The following DLEU7 variants were observed in gnomAD, a reference collection of about 807,000 sequenced individuals.
DLEU7 encodes the protein deleted in lymphocytic leukemia 7.
Under a neutral mutation model 16.0 loss-of-function variants are expected in DLEU7, and 17 were observed. The ratio of observed to expected loss-of-function variants is 1.06; its 90% CI spans 0.73 to 1.59. DLEU7 has a LOEUF of 1.59. Among genes scored for constraint, DLEU7 ranks in the 40% most tolerant of loss-of-function variants. DLEU7 has a pLI of 0.00. For missense variants in DLEU7, 308 were observed against 314.9 expected (o/e 0.98, Z 0.17); for synonymous variants, 113 against 139.8 (o/e 0.81, Z 1.35).
At chr13:50,838,051 A>G (rs1185333424) in intron 1 of DLEU7, among the ~76,000 whole-genome samples, 2 of 152,180 alleles carry the variant, frequency 1.3e-5, no homozygotes, top group Non-Finnish European at 1.5e-5. Context: ...GGGCAAGTGA[A>G]AGATTTGCTT....
chr13:50,824,756 A>G (rs900578379), intron 1 of DLEU7, among the ~76,000 whole-genome samples: 6 of 152,224 alleles, frequency 3.9e-5, no homozygotes. Flanking sequence ...AGCCATGAAC[A>G]CATAGCAAAA....
chr13:50,731,419 T>G lies in DLEU7; in HGVS notation c.460-18179A>C, dbSNP rs559409259. 4.5e-4 allele frequency among the ~76,000 whole-genome samples: 68 copies of G among 152,288 alleles called. 2 individuals carry two copies. The South Asian group carries it at 0.014, about 31-fold the overall frequency. On this transcript the variant is annotated intron_variant, in intron 1 of 1. Coordinates refer to the DLEU7 transcript ENST00000400393. ...TAGCTGAGATTGAAGATGAGTGGAT[T>G]TATGAATTGAATAACAATAAATATC...
intron 1 of DLEU7, among the ~76,000 whole-genome samples, chr13:50,755,698 A>G (rs1025034295): frequency 2.6e-5 from 4 of 151,768 alleles, no homozygotes; most frequent in African/African-American, 9.7e-5. Context: ...CAGGTAAATC[A>G]GGGATTTCTT....
At chr13:50,722,678 A>G (rs1322230112) in intron 1 of DLEU7, among the ~76,000 whole-genome samples, 1 of 152,220 alleles carries the variant, frequency 6.6e-6, no homozygotes, top group Non-Finnish European at 1.5e-5. Flanking sequence ...CTACCATAAC[A>G]TTAATCTATT....
At chr13:50,800,703 A>G (rs995161238) in intron 1 of DLEU7, among the ~76,000 whole-genome samples, 2 of 152,148 alleles carry the variant, frequency 1.3e-5, no homozygotes, top group African/African-American at 4.8e-5. Flanking sequence ...AGGAGCTTAA[A>G]TATTTGCTTT....
Position 50,732,864 on chromosome 13 carries a change from T to C in DLEU7, c.460-19624A>G, listed in dbSNP as rs188869784. 1.4e-3 allele frequency among the ~76,000 whole-genome samples: 207 copies of C among 152,304 alleles called. 1 individual carries two copies. Among genetic ancestry groups the C allele is most frequent in the Middle Eastern group, 6.8e-3 (2 of 294 alleles). ...GCATAGTAACTTATGTAAGGGCCTC[T>C]TTCTCAAGAGTGCTTCCAGAGTGTG... On this transcript the variant is annotated intron_variant, in intron 1 of 1. Coordinates refer to the DLEU7 transcript ENST00000400393.
intron 1 of DLEU7, among the ~76,000 whole-genome samples, chr13:50,733,144 T>TA (rs965732332): frequency 2.0e-5 from 3 of 152,228 alleles, no homozygotes; most frequent in Non-Finnish European, 4.4e-5. Flanking sequence ...CTTGTCTGCA[T>TA]ATTAGAACCA....
chr13:50,761,218 C>T (rs936354737), intron 1 of DLEU7, among the ~76,000 whole-genome samples: 11 of 152,044 alleles, frequency 7.2e-5, no homozygotes, highest in Non-Finnish European at 1.5e-4. Context: ...TCCAAAGGGG[C>T]GTTGTAACTT....
chr13:50,734,366 C>A lies in DLEU7; in HGVS notation c.460-21126G>T, dbSNP rs146481047. 2.7e-3 allele frequency among the ~76,000 whole-genome samples: 409 copies of A among 152,296 alleles called. 1 individual carries two copies. The highest frequency in any genetic ancestry group is 9.3e-3 in the African/African-American group (387 of 41,580). On this transcript the variant is annotated intron_variant, in intron 1 of 1. Coordinates refer to the DLEU7 transcript ENST00000400393. Reference sequence around the variant, plus strand: ...AAATCTTCAATAAGGCTGCTTTCCACCTTATCGTCCTCTGAGTAACCTAAT... The same window carrying A: ...AAATCTTCAATAAGGCTGCTTTCCAACTTATCGTCCTCTGAGTAACCTAAT...
chr13:50,824,603 G>C (rs1407635897), intron 1 of DLEU7, among the ~76,000 whole-genome samples: 1 of 152,156 alleles, frequency 6.6e-6, no homozygotes, highest in Non-Finnish European at 1.5e-5. Context: ...TTGGGATGGA[G>C]AGTAAAGTTG....
chr13:50,763,717 C>G (rs1220256723), intron 1 of DLEU7, among the ~76,000 whole-genome samples: 1 of 152,238 alleles, frequency 6.6e-6, no homozygotes, highest in African/African-American at 2.4e-5. Flanking sequence ...GCTCCCGGAT[C>G]TGCCCTGCAG....
rs188550491 is a variant in DLEU7, at chr13:50,791,377, G to A, written c.459+51811C>T. On this transcript the variant is annotated intron_variant, in intron 1 of 1. Transcript: ENST00000400393. ...GTGACCATGTGAGGTTCAGGGATGT[G>A]GGTGGTGAGACTTGGGCCTTCAGCA... is the stretch of plus-strand genomic sequence containing the variant. Among the ~76,000 whole-genome samples, 9 of 152,272 alleles carry A rather than the reference G, an allele frequency of 5.9e-5. No individual in the cohort carries two copies. The East Asian group carries it at 1.7e-3, about 29-fold the overall frequency.
chr13:50,759,494 T>C (rs1016529847), intron 1 of DLEU7, among the ~76,000 whole-genome samples: 2 of 134,372 alleles, frequency 1.5e-5, no homozygotes, highest in African/African-American at 3.1e-5. Flanking sequence ...AATGAATAAG[T>C]TTTGGGAGTT....
At chr13:50,804,494 A>G (rs1023836750) in intron 1 of DLEU7, among the ~76,000 whole-genome samples, 3 of 150,450 alleles carry the variant, frequency 2.0e-5, no homozygotes, top group African/African-American at 7.3e-5. Context: ...TGGAGTGTGG[A>G]GTGCAGTGGC....
At position 50,843,243 on chromosome 13, in the gene DLEU7, T is replaced by A. The variant is rs1220542084; in HGVS notation, c.404A>T (p.Glu135Val). Residue 135 changes from glutamate to valine, a missense_variant, in exon 1 of 2, where the codon GAG (glutamate) becomes GTG (valine). Coordinates refer to ENST00000504404, the MANE Select transcript of DLEU7 (RefSeq NM_001306135.2). This position sits in a 1 kb window ranked among gnomAD's most constrained non-coding sequence, Gnocchi z 5.7. ...CTGGAGGGGCCCCAGCAGCGTCTGC[T>A]CCACGCTGACCAGCTCCGAAGTCGA... The part of the protein sequence containing the change: ...VDSTSELVSV[E>V]QTLLGPLQQE... The A allele has an allele frequency of 6.3e-7, 1 of 1,595,680 alleles. No homozygotes were observed. The highest frequency in any genetic ancestry group is 1.7e-5 in the Admixed American group (1 of 58,858).
intron 1 of DLEU7, among the ~76,000 whole-genome samples, chr13:50,766,233 A>G (rs1311699267): frequency 6.6e-6 from 1 of 152,178 alleles, no homozygotes; most frequent in Admixed American, 6.5e-5. Context: ...TTAAAGAAGG[A>G]TACTGTCAGC....
At chr13:50,766,209 G>C (rs1875101150) in intron 1 of DLEU7, among the ~76,000 whole-genome samples, 1 of 152,172 alleles carries the variant, frequency 6.6e-6, no homozygotes, top group African/African-American at 2.4e-5. Context: ...GGCTCACTGA[G>C]CATTGGATGC....
chr13:50,747,332 C>CTG (rs3039979), intron 1 of DLEU7, among the ~76,000 whole-genome samples: 44,528 of 137,526 alleles, frequency 0.32, 6,795 homozygotes, highest in Middle Eastern at 0.4. Context: ...AAGAAAAACT[C>CTG]TGTGTGTGTG....
intron 1 of DLEU7, among the ~76,000 whole-genome samples, chr13:50,814,249 C>T (rs756322805): frequency 1.3e-5 from 2 of 151,908 alleles, no homozygotes; most frequent in Admixed American, 1.3e-4. Context: ...AGTCTCAGTC[C>T]GGAAGCCAGA....
Sources: allele counts gnomAD v4.1 joint callset (sites outside exome capture counted in the v4.1 genomes callset), GRCh38; gene constraint gnomAD v4.1.1; non-coding constraint Gnocchi (gnomAD v3.1); transcripts MANE v1.5; gene names NCBI Gene and HGNC (gene_info 2026-07-23, HGNC 2026-07-21).